GKAP1: variants seen among roughly 807,000 people sequenced by gnomAD.
The protein encoded by GKAP1 is G kinase anchoring protein 1.
In GKAP1, 31 loss-of-function variants were observed where a neutral mutation model predicts 56.7. The observed-to-expected ratio is 0.55, with a 90% CI of 0.41 to 0.74. The LOEUF is 0.74. Among genes scored for constraint, GKAP1 ranks in the 30% least tolerant of loss-of-function variants. The pLI, the probability that GKAP1 is intolerant of heterozygous loss-of-function variation, is 0.00. For synonymous variants in GKAP1, 151 were observed against 138.6 expected (o/e 1.09, Z -0.63); for missense variants, 364 against 402.3 (o/e 0.90, Z 0.82).
intron 8 of GKAP1, among the ~76,000 whole-genome samples, chr9:83,764,805 C>T (rs1230272542): frequency 6.6e-6 from 1 of 152,166 alleles, no homozygotes; most frequent in Non-Finnish European, 1.5e-5. Flanking sequence ...GAATTTTGAG[C>T]TTCAGAGAGG....
intron 8 of GKAP1, among the ~76,000 whole-genome samples, chr9:83,757,664 G>T (rs1943499038): frequency 6.6e-6 from 1 of 152,124 alleles, no homozygotes; most frequent in South Asian, 2.1e-4. Context: ...TTAGCAGGGT[G>T]TAACACATTA....
intron 2 of GKAP1, among the ~76,000 whole-genome samples, chr9:83,809,892 C>T (rs1287872309): frequency 1.3e-5 from 2 of 152,190 alleles, no homozygotes; most frequent in Admixed American, 1.3e-4. Flanking sequence ...ACTGCAGCCT[C>T]GACTTCCTGG....
intron 6 of GKAP1, among the ~76,000 whole-genome samples, chr9:83,781,481 T>A (rs1943970947): frequency 6.6e-6 from 1 of 152,240 alleles, no homozygotes; most frequent in Admixed American, 6.5e-5. Flanking sequence ...ACTAAAAATA[T>A]AACTTTCTTA....
At position 83,783,915 on chromosome 9, in the gene GKAP1, C is replaced by T. The variant is rs138991533; in HGVS notation, c.562+800G>A. Among the ~76,000 whole-genome samples, 154 of 152,080 alleles carry T rather than the reference C, an allele frequency of 1.0e-3. 2 individuals are homozygous for T. The East Asian group carries it at 0.024, about 24-fold the overall frequency. ...GACTGATTTTAAATTACTTTAAAAC[C>T]CCAAATGGTTTTAGTTTATTTCCAA... On this transcript the variant is annotated intron_variant, in intron 6 of 12. Coordinates refer to ENST00000376371, the MANE Select transcript of GKAP1 (RefSeq NM_025211.4).
intron 6 of GKAP1, among the ~76,000 whole-genome samples, chr9:83,782,754 C>T (rs1943996913): frequency 6.6e-6 from 1 of 150,884 alleles, no homozygotes; most frequent in African/African-American, 2.4e-5. Context: ...ACAACCTCCA[C>T]CTCCCCGGTT....
chr9:83,797,558 C>A (rs1026376455), intron 4 of GKAP1, among the ~76,000 whole-genome samples: 1 of 152,198 alleles, frequency 6.6e-6, no homozygotes, highest in Non-Finnish European at 1.5e-5. Context: ...AAGTGAGTCT[C>A]CCACATAAGG....
At position 83,742,613 on chromosome 9, in the gene GKAP1, G is replaced by C; in HGVS notation, c.905-13C>G. The C allele has an allele frequency of 1.9e-6, 3 of 1,592,186 alleles. No individual in the cohort carries two copies. The highest frequency in any genetic ancestry group is 2.6e-6 in the Non-Finnish European group (3 of 1,162,798). ...GCCTTATCTTTCACTGACAAAAAAGGAAAAACAGCAGTATAGATTTTCCAG... is the reference window on the plus strand; with the variant it reads ...GCCTTATCTTTCACTGACAAAAAAGCAAAAACAGCAGTATAGATTTTCCAG... On this transcript the variant is annotated splice_polypyrimidine_tract_variant and intron_variant, in intron 10 of 12. Transcript: ENST00000376371.
intron 3 of GKAP1, among the ~76,000 whole-genome samples, chr9:83,802,851 G>C (rs1000303295): frequency 6.6e-6 from 1 of 152,058 alleles, no homozygotes; most frequent in African/African-American, 2.4e-5. Context: ...AAATAAAAGA[G>C]GCCAGCATGG....
At position 83,746,723 on chromosome 9, in the gene GKAP1, T is replaced by TA. The variant is rs1587687735; in HGVS notation, c.904+1585_904+1586insT. The stretch of plus-strand genomic sequence containing the variant: ...AATAAATAAATAAATAAATAACAAT[T>TA]TAAAAAAATCACCTCTAGATTACCT... On this transcript the variant is annotated intron_variant, in intron 10 of 12. Coordinates refer to ENST00000376371, the MANE Select transcript of GKAP1 (RefSeq NM_025211.4). Among the ~76,000 whole-genome samples, 6 of 104,536 alleles carry TA rather than the reference T, an allele frequency of 5.7e-5. No homozygotes were observed. The East Asian group carries it at 1.5e-3, about 26-fold the overall frequency. The allele number at this position is 104,536 out of a possible 152,430, so 68.6% of individuals were successfully genotyped here. A position where few individuals can be genotyped will look rare whatever the true frequency, so the allele number is the denominator to read the frequency against.
chr9:83,771,708 T>C (rs1444039173), intron 7 of GKAP1, among the ~76,000 whole-genome samples: 1 of 152,220 alleles, frequency 6.6e-6, no homozygotes, highest in African/African-American at 2.4e-5. Context: ...GGCATAACTC[T>C]AAAATTACTG....
intron 7 of GKAP1, among the ~76,000 whole-genome samples, chr9:83,778,526 C>T (rs1343242973): frequency 6.6e-6 from 1 of 151,824 alleles, no homozygotes; most frequent in East Asian, 1.9e-4. Context: ...GGGAACAAGA[C>T]ACACTGGGGC....
At chr9:83,768,596 G>A (rs1943703462) in intron 8 of GKAP1, among the ~76,000 whole-genome samples, 1 of 152,036 alleles carries the variant, frequency 6.6e-6, no homozygotes, top group Non-Finnish European at 1.5e-5. Context: ...ATAGCTTATG[G>A]CACATGCTCA....
intron 7 of GKAP1, among the ~76,000 whole-genome samples, chr9:83,777,359 C>T (rs573433329): frequency 2.6e-5 from 4 of 152,208 alleles, no homozygotes; most frequent in African/African-American, 7.2e-5. Context: ...CCTAACAGTT[C>T]TGGCATTTAA....
intron 6 of GKAP1, among the ~76,000 whole-genome samples, chr9:83,783,342 A>G (rs1173997795): frequency 6.6e-6 from 1 of 152,238 alleles, no homozygotes; most frequent in Non-Finnish European, 1.5e-5. Flanking sequence ...GTAATGTTGT[A>G]TAGCTGGACT....
intron 4 of GKAP1, among the ~76,000 whole-genome samples, chr9:83,792,299 T>C (rs1470282349): frequency 6.6e-6 from 1 of 152,188 alleles, no homozygotes; most frequent in African/African-American, 2.4e-5. Flanking sequence ...ATTGCTTAGT[T>C]AGGGCAGCAT....
At chr9:83,741,045 GAAAAAT>G (rs796107350) in intron 12 of GKAP1, among the ~76,000 whole-genome samples, 15 of 152,018 alleles carry the variant, frequency 9.9e-5, no homozygotes, top group African/African-American at 2.9e-4. Context: ...CCAGTTAGCA[GAAAAAT>G]AAAAATAAAC....
chr9:83,755,552 GATGA>G (rs1943460244), intron 8 of GKAP1, among the ~76,000 whole-genome samples: 1 of 151,354 alleles, frequency 6.6e-6, no homozygotes, highest in Admixed American at 6.6e-5. Context: ...TAGAAATCTT[GATGA>G]ATATGATTAT....
intron 7 of GKAP1, 55 bp downstream of exon 7, chr9:83,780,327 G>A: frequency 9.8e-7 from 1 of 1,023,202 alleles, no homozygotes; most frequent in South Asian, 1.5e-5. Context: ...AAGTATTTAA[G>A]TATTATTCTT....
intron 3 of GKAP1, among the ~76,000 whole-genome samples, chr9:83,804,318 CG>C (rs1342367457): frequency 1.4e-5 from 2 of 140,026 alleles, no homozygotes; most frequent in South Asian, 2.4e-4. Context: ...GCACCCCGCC[CG>C]GCCAGCCGCC....
Sources: allele counts gnomAD v4.1 joint callset (sites outside exome capture counted in the v4.1 genomes callset), GRCh38; gene constraint gnomAD v4.1.1; transcripts MANE v1.5; gene names NCBI Gene and HGNC (gene_info 2026-07-23, HGNC 2026-07-21).